STRBP: variants seen among roughly 807,000 people sequenced by gnomAD.
STRBP encodes spermatid perinuclear RNA binding protein.
In STRBP, 13 loss-of-function variants were observed where a neutral mutation model predicts 80.1. The observed-to-expected ratio is 0.16, with a 90% confidence interval of 0.11 to 0.26. The LOEUF (loss-of-function observed/expected upper bound fraction) is 0.26. STRBP is among the 10% of genes least tolerant of loss of function. The pLI, the probability that STRBP is intolerant of heterozygous loss-of-function variation, is 1.00. For missense variants in STRBP, 485 were observed against 815.2 expected (o/e 0.59, Z 4.93); for synonymous variants, 284 against 291.2 (o/e 0.98, Z 0.25).
chr9:123,154,464 C>T (rs2037194043), intron 11 of STRBP, among the ~76,000 whole-genome samples: 1 of 152,086 alleles, frequency 6.6e-6, no homozygotes, highest in African/African-American at 2.4e-5. Flanking sequence ...AATGGTATTT[C>T]TTGGTACAGG....
intron 2 of STRBP, among the ~76,000 whole-genome samples, chr9:123,221,396 T>C (rs7861005): frequency 0.017 from 2,519 of 152,294 alleles, 74 homozygotes; most frequent in African/African-American, 0.058. Flanking sequence ...CGCACTTTCC[T>C]CATTTGTAAA....
intron 18 of STRBP, among the ~76,000 whole-genome samples, chr9:123,127,461 C>G (rs891827741): frequency 6.6e-6 from 1 of 152,220 alleles, no homozygotes; most frequent in African/African-American, 2.4e-5. Context: ...ATGGCTGATT[C>G]TATAACATGT....
At chr9:123,147,322 C>T (rs1043863934) in intron 12 of STRBP, among the ~76,000 whole-genome samples, 1 of 152,048 alleles carries the variant, frequency 6.6e-6, no homozygotes, top group African/African-American at 2.4e-5. Flanking sequence ...AAAAAGTTAT[C>T]CAATTATCAA....
intron 2 of STRBP, among the ~76,000 whole-genome samples, chr9:123,191,903 T>C (rs531742458): frequency 3.9e-5 from 6 of 152,146 alleles, no homozygotes; most frequent in Admixed American, 6.5e-5. Flanking sequence ...AAGATCACTA[T>C]GGTTACTTGT....
intron 1 of STRBP, among the ~76,000 whole-genome samples, chr9:123,267,710 C>A (rs1168411095): frequency 6.7e-6 from 1 of 148,622 alleles, no homozygotes; most frequent in African/African-American, 2.5e-5. Flanking sequence ...CCTTCACGGG[C>A]GTCCCGGTGG....
At chr9:123,202,233 A>G (rs1349406365) in intron 2 of STRBP, among the ~76,000 whole-genome samples, 1 of 152,172 alleles carries the variant, frequency 6.6e-6, no homozygotes, top group African/African-American at 2.4e-5. Context: ...TAATATTGAG[A>G]TGTGAAGTAT....
intron 1 of STRBP, among the ~76,000 whole-genome samples, chr9:123,252,086 C>A (rs774413691): frequency 1.3e-5 from 2 of 151,226 alleles, no homozygotes; most frequent in Non-Finnish European, 2.9e-5. Flanking sequence ...CCAGGCATTT[C>A]TGAGAAAAAG....
intron 2 of STRBP, among the ~76,000 whole-genome samples, chr9:123,222,177 CTTT>C: frequency 6.9e-6 from 1 of 144,436 alleles, no homozygotes; most frequent in Non-Finnish European, 1.5e-5. Flanking sequence ...GCAGTGTTTT[CTTT>C]TTTTTTTTTC....
intron 1 of STRBP, among the ~76,000 whole-genome samples, chr9:123,251,108 G>C (rs1457637913): frequency 1.3e-5 from 2 of 152,188 alleles, no homozygotes; most frequent in African/African-American, 2.4e-5. Flanking sequence ...AGCCTGGGCA[G>C]TGGAGAGAGA....
intron 4 of STRBP, among the ~76,000 whole-genome samples, chr9:123,176,514 G>C (rs1301843688): frequency 2.0e-5 from 3 of 152,120 alleles, no homozygotes; most frequent in Non-Finnish European, 2.9e-5. Flanking sequence ...AGCAAGTTTG[G>C]AGCACAGGAA....
chr9:123,183,522 GA>G (rs1319830628), intron 3 of STRBP, among the ~76,000 whole-genome samples: 1 of 151,372 alleles, frequency 6.6e-6, no homozygotes, highest in African/African-American at 2.4e-5. Context: ...AATACTAAGG[GA>G]AAAAAAATCA....
chr9:123,162,591 G>A (rs554305514), intron 6 of STRBP, among the ~76,000 whole-genome samples: 5 of 152,272 alleles, frequency 3.3e-5, no homozygotes, highest in African/African-American at 1.2e-4. Context: ...ATTAAAGGAA[G>A]AACTGTGGTT....
rs367792000 is a variant in STRBP, at chr9:123,136,417, C to T, written c.1596G>A (p.Glu532=). The change falls in exon 15 of 19, where the codon GAG becomes GAA. Residue 532 remains glutamate, a synonymous_variant. Coordinates refer to ENST00000348403, the MANE Select transcript of STRBP (RefSeq NM_018387.5). The surrounding 1 kb of genome is among the most constrained non-coding windows in gnomAD (Gnocchi z 4.2). ...AGCGCTTGTCATGGCTTCCACCAGT[C>T]TCTGAGATGAGTTCATACTTGAGAC... ...RRGLKYELIS[E]TGGSHDKRFV... is the part of the protein sequence containing the mutation. 13 of 1,614,016 alleles carry T rather than the reference C, an allele frequency of 8.1e-6. No individual in the cohort carries two copies. The highest frequency in any genetic ancestry group is 1.1e-5 in the Non-Finnish European group (13 of 1,180,024).
At chr9:123,204,295 A>T (rs1298988655) in intron 2 of STRBP, among the ~76,000 whole-genome samples, 1 of 152,236 alleles carries the variant, frequency 6.6e-6, no homozygotes, top group Non-Finnish European at 1.5e-5. Context: ...TTTGTCTATG[A>T]TCACACAGTG....
chr9:123,266,396 T>TC (rs1326622164), intron 1 of STRBP, among the ~76,000 whole-genome samples: 2 of 152,046 alleles, frequency 1.3e-5, no homozygotes, highest in African/African-American at 4.8e-5. Context: ...GAGTTTAATG[T>TC]CCTCCACTTT....
At chr9:123,140,597 A>G (rs956468192) in intron 13 of STRBP, among the ~76,000 whole-genome samples, 1 of 152,178 alleles carries the variant, frequency 6.6e-6, no homozygotes, top group African/African-American at 2.4e-5. Flanking sequence ...CTGTCTCAAA[A>G]AAACAAACAA....
chr9:123,114,020 A>G (rs1385959417), intron 3 of STRBP: 1 of 166,966 alleles, frequency 6.0e-6, no homozygotes, highest in East Asian at 1.9e-4. Flanking sequence ...CTTCCCATAT[A>G]TTTTCACATT....
intron 17 of STRBP, among the ~76,000 whole-genome samples, chr9:123,130,454 A>G (rs1232418706): frequency 2.0e-5 from 3 of 152,140 alleles, no homozygotes; most frequent in Non-Finnish European, 4.4e-5. Context: ...GAGTGGCCAT[A>G]AACGGTTCCT....
rs532298280 is a variant in STRBP at position 123,136,362 on chromosome 9, C to T, written c.1632+19G>A. The T allele has an allele frequency of 2.6e-5, 42 of 1,612,872 alleles. No homozygotes were observed. The African/African-American group carries it at 5.2e-4, about 20-fold the overall frequency. On this transcript the variant is annotated intron_variant, in intron 15 of 18. Transcript: ENST00000348403. This position sits in a 1 kb window ranked among gnomAD's most constrained non-coding sequence, Gnocchi z 4.2. ...TCTTTGAGAAGAAAGATAAGGCTGG[C>T]TTGTGTCTGGGTACACACCTCCATT...
Sources: allele counts gnomAD v4.1 joint callset (sites outside exome capture counted in the v4.1 genomes callset), GRCh38; gene constraint gnomAD v4.1.1; non-coding constraint Gnocchi (gnomAD v3.1); transcripts MANE v1.5; gene names NCBI Gene and HGNC (gene_info 2026-07-23, HGNC 2026-07-21).